SENP7: variants seen among roughly 807,000 people sequenced by gnomAD.
The protein encoded by SENP7 is sentrin-specific protease 7.
SENP7 carries 64 observed loss-of-function variants against 141.2 expected under a neutral mutation model. The observed-to-expected ratio is 0.45, with a 90% CI of 0.37 to 0.56. SENP7 has a LOEUF of 0.56. Among genes scored for constraint, SENP7 ranks in the 20% least tolerant of loss-of-function variants. SENP7 has a pLI of 0.00. For missense variants in SENP7, 1,025 were observed against 1,212.2 expected (o/e 0.85, Z 2.29); for synonymous variants, 382 against 426.4 (o/e 0.90, Z 1.28).
chr3:101,421,873 T>C (rs2061800303), intron 4 of SENP7, among the ~76,000 whole-genome samples: 1 of 152,158 alleles, frequency 6.6e-6, no homozygotes, highest in South Asian at 2.1e-4. Context: ...AAATAAAACC[T>C]AAATTTAGTA....
intron 3 of SENP7, among the ~76,000 whole-genome samples, chr3:101,485,391 G>C (rs921383090): frequency 6.6e-6 from 1 of 152,078 alleles, no homozygotes; most frequent in Non-Finnish European, 1.5e-5. Context: ...AAAAGGCATT[G>C]GTATCCACGG....
At chr3:101,343,581 A>G (rs2107207495) in intron 14 of SENP7, 105 bp downstream of exon 14, 1 of 1,206,004 alleles carries the variant, frequency 8.3e-7, no homozygotes, top group Non-Finnish European at 1.2e-6. Flanking sequence ...GTTGGTTCCT[A>G]TGCCCTTTTC....
rs1482747612 is a variant in SENP7, at chr3:101,417,608, A to C, written c.467T>G (p.Leu156Arg). 7 of 1,613,388 alleles carry C rather than the reference A, an allele frequency of 4.3e-6. No individual in the cohort carries two copies. The East Asian group carries it at 1.3e-4, about 31-fold the overall frequency. Residue 156 changes from leucine (L) to arginine (R), a missense_variant, in exon 5 of 24, where the codon CTT (leucine) becomes CGT (arginine). Around this residue, in one of 4 missense-constraint regions of SENP7, gnomAD observed 496 missense variants for 503.5 expected, o/e 0.99. Coordinates refer to ENST00000394095, the MANE Select transcript of SENP7 (RefSeq NM_020654.5). ...CQKLEPLRQS[L>R]NLSERIPRVI... Reference sequence around the variant, plus strand: ...AACAACATACCTTTCAGATAAATTAAGGCTTTGGCGAAGAGGTTCTAATTT... The same window carrying C: ...AACAACATACCTTTCAGATAAATTACGGCTTTGGCGAAGAGGTTCTAATTT...
At chr3:101,366,812 G>A (rs1308478994) in intron 8 of SENP7, 43 bp from the exon 9 acceptor site, 6 of 1,370,466 alleles carry the variant, frequency 4.4e-6, no homozygotes, top group South Asian at 2.9e-5. Flanking sequence ...TTTCAAATTT[G>A]GCTTGCTTAA....
intron 4 of SENP7, among the ~76,000 whole-genome samples, chr3:101,423,730 G>C (rs1353643716): frequency 6.6e-6 from 1 of 152,140 alleles, no homozygotes; most frequent in African/African-American, 2.4e-5. Flanking sequence ...AGGGAGGAAG[G>C]TGGGAACCTT....
intron 6 of SENP7, among the ~76,000 whole-genome samples, chr3:101,392,583 GAACT>G (rs2060846709): frequency 6.6e-6 from 1 of 152,138 alleles, no homozygotes; most frequent in Non-Finnish European, 1.5e-5. Context: ...TCATGGATTA[GAACT>G]AATAGTGTTA....
chr3:101,511,691 A>C (rs141057225), intron 1 of SENP7, among the ~76,000 whole-genome samples: 4 of 152,370 alleles, frequency 2.6e-5, no homozygotes, highest in Admixed American at 1.3e-4. Flanking sequence ...CAGGTTTTCA[A>C]CTGCTTCAAG....
At chr3:101,329,292 C>T (rs374706103) in intron 20 of SENP7, among the ~76,000 whole-genome samples, 14 of 152,046 alleles carry the variant, frequency 9.2e-5, no homozygotes, top group East Asian at 3.9e-4. Context: ...CTGCTTATCA[C>T]GAACTGAGTC....
At chr3:101,494,765 C>A (rs1279876499) in intron 2 of SENP7, among the ~76,000 whole-genome samples, 2 of 152,084 alleles carry the variant, frequency 1.3e-5, no homozygotes, top group African/African-American at 4.8e-5. Context: ...AAACTGTACC[C>A]CTTCCTTATA....
At chr3:101,472,325 A>AG (rs1019674574) in intron 3 of SENP7, among the ~76,000 whole-genome samples, 1 of 151,976 alleles carries the variant, frequency 6.6e-6, no homozygotes, top group African/African-American at 2.4e-5. Flanking sequence ...TGCAGCCTTA[A>AG]AAAAAATGAG....
In SENP7 at chr3:101,502,921, T is replaced by TA. The variant is rs371641769; in HGVS notation, c.41-1803dup. ...ACAGAGTAAGACCCTGTCTCAGATT[T>TA]AAAAAAAAAAAAAAAAGAACTTCTG... On this transcript the variant is annotated intron_variant, in intron 1 of 23. Coordinates refer to ENST00000394095, the MANE Select transcript of SENP7 (RefSeq NM_020654.5). Among the ~76,000 whole-genome samples, 714 of 134,706 alleles carry TA rather than the reference T, an allele frequency of 5.3e-3. 3 individuals carry two copies. Among genetic ancestry groups the TA allele is most frequent in the Middle Eastern group, 0.015 (4 of 264 alleles). 88.4% of individuals were successfully genotyped at this position (134,706 alleles called of 152,430 possible). A position where few individuals can be genotyped will look rare whatever the true frequency, so the allele number is the denominator to read the frequency against.
In SENP7 at chr3:101,367,973, G is replaced by A; in HGVS notation, c.835C>T (p.Gln279Ter). 1 of 1,612,576 alleles carries A rather than the reference G, an allele frequency of 6.2e-7. No individual in the cohort carries two copies. The highest frequency in any genetic ancestry group is 8.5e-7 in the Non-Finnish European group (1 of 1,179,338). The change falls in exon 8 of 24, where the codon CAG (glutamine) becomes TAG (stop). Residue 279 changes from glutamine to a stop codon, truncating the protein, a stop_gained. Transcript: ENST00000394095. LOFTEE classifies it high-confidence loss of function. Reference protein sequence around the residue: ...SGSRGCDHLEQESRNKDVKYS... With the variant: ...SGSRGCDHLE ...TTAACATCCTTGTTTCTGCTTTCCT[G>A]TTCGAGATGATCACAACCTCTACTT...
chr3:101,430,275 T>G (rs976145184), intron 4 of SENP7, among the ~76,000 whole-genome samples: 1 of 152,218 alleles, frequency 6.6e-6, no homozygotes, highest in Admixed American at 6.5e-5. Context: ...CCAGCTCTTC[T>G]TTGTATTTCT....
At chr3:101,369,139 T>C (rs1393437036) in intron 7 of SENP7, among the ~76,000 whole-genome samples, 1 of 152,236 alleles carries the variant, frequency 6.6e-6, no homozygotes, top group East Asian at 1.9e-4. Flanking sequence ...CAAATATATG[T>C]ACTGTACAAA....
chr3:101,417,897 C>T (rs1373425959), intron 4 of SENP7, 107 bp from the exon 5 acceptor site: 1 of 859,582 alleles, frequency 1.2e-6, no homozygotes, highest in Non-Finnish European at 1.8e-6. Context: ...GTTCCTCAAG[C>T]AACTATAGTA....
chr3:101,357,647 A>G, intron 11 of SENP7: 1 of 779,862 alleles, frequency 1.3e-6, no homozygotes, highest in South Asian at 1.4e-5. Context: ...TAATGGACTT[A>G]ACCAATGTTT....
At position 101,414,649 on chromosome 3, in the gene SENP7, G is replaced by A. The variant is rs2061556876; in HGVS notation, c.482+2944C>T. 2.8e-6 allele frequency: 4 copies of A among 1,445,712 alleles called. No individual in the cohort carries two copies. The Admixed American group carries it at 5.2e-5, about 19-fold the overall frequency. 89.6% of individuals were successfully genotyped at this position (1,445,712 alleles called of 1,614,324 possible). A position where few individuals can be genotyped will look rare whatever the true frequency, so the allele number is the denominator to read the frequency against. On this transcript the variant is annotated intron_variant, in intron 5 of 23. Coordinates refer to ENST00000394095, the MANE Select transcript of SENP7 (RefSeq NM_020654.5). ...TGGGAAATAAAAGTCTTTGCCAGTG[G>A]CCATGGGGGCTGAGGGCAAGAATAT... is the stretch of plus-strand genomic sequence containing the variant.
intron 4 of SENP7, among the ~76,000 whole-genome samples, chr3:101,435,813 TGAAA>T (rs2062367249): frequency 6.6e-6 from 1 of 152,060 alleles, no homozygotes; most frequent in South Asian, 2.1e-4. Flanking sequence ...GTTCATAGAT[TGAAA>T]GAATCAATAT....
At chr3:101,437,338 A>C (rs542093993) in intron 4 of SENP7, among the ~76,000 whole-genome samples, 1 of 152,288 alleles carries the variant, frequency 6.6e-6, no homozygotes, top group African/African-American at 2.4e-5. Context: ...AATATTACTT[A>C]ATCATATATT....
Sources: allele counts gnomAD v4.1 joint callset (sites outside exome capture counted in the v4.1 genomes callset), GRCh38; gene constraint gnomAD v4.1.1; regional missense constraint gnomAD v4.1.1; transcripts MANE v1.5; gene names NCBI Gene and HGNC (gene_info 2026-07-23, HGNC 2026-07-21).